The following KIF15 variants were observed in gnomAD, a reference collection of about 807,000 sequenced individuals.
KIF15 encodes the protein kinesin-like protein KIF15.
In KIF15, 140 loss-of-function variants were observed where a neutral mutation model predicts 190.6. The observed-to-expected ratio is 0.73, with a 90% CI of 0.64 to 0.84. The LOEUF (loss-of-function observed/expected upper bound fraction) is 0.84. KIF15 is among the 40% of genes least tolerant of loss of function. The probability of loss-of-function intolerance (pLI) is 0.00; values close to 1 mark genes in which losing one functional copy is unlikely to be tolerated. For synonymous variants in KIF15, 528 were observed against 551.3 expected, an observed-to-expected ratio of 0.96 and a Z score of 0.59; for missense variants, 1,372 against 1,584.4, an observed-to-expected ratio of 0.87 and a Z score of 2.28.
chr3:44,808,492 C>T (rs2125651319), intron 16 of KIF15, among the ~76,000 whole-genome samples: 1 of 152,194 alleles, frequency 6.6e-6, no homozygotes. Flanking sequence ...CCCCACAATC[C>T]CTGGAGGTAG....
rs974098158 is a variant in KIF15, at chr3:44,785,065, C to A, written c.459+123C>A. 4 of 519,808 alleles carry A rather than the reference C, an allele frequency of 7.7e-6. No homozygotes were observed. The East Asian group carries it at 1.4e-4, about 18-fold the overall frequency. 32.2% of individuals were successfully genotyped at this position (519,808 alleles called of 1,614,324 possible). On this transcript the variant is annotated intron_variant, in intron 6 of 34. Transcript: ENST00000326047. ...GTACTCTACAATATGAATAGACTAG[C>A]GTGGCATAAAAAAAAACCTTTCAAT...
At position 44,788,989 on chromosome 3, in the gene KIF15, A is replaced by G. The variant is rs184815291; in HGVS notation, c.639+2415A>G. Among the ~76,000 whole-genome samples the G allele has an allele frequency of 2.0e-5, 3 of 152,330 alleles. No homozygotes were observed. In the East Asian group the frequency reaches 5.8e-4, roughly 29 times the overall value. On this transcript the variant is annotated intron_variant, in intron 7 of 34. Coordinates refer to ENST00000326047, the MANE Select transcript of KIF15 (RefSeq NM_020242.3). ...CAATTTCCTCTTAGTTTTCAAGTAT[A>G]TTGGCATAAAGTTGTTCCTAGTATT... is the stretch of plus-strand genomic sequence containing the variant.
intron 7 of KIF15, among the ~76,000 whole-genome samples, chr3:44,791,777 G>T (rs1051242804): frequency 6.6e-6 from 1 of 152,152 alleles, no homozygotes; most frequent in Non-Finnish European, 1.5e-5. Context: ...GAGTGCAATG[G>T]CATGATCTCA....
rs1699110076 is a variant in KIF15 at position 44,852,801 on chromosome 3, C to A, written c.*66C>A. The A allele has an allele frequency of 7.4e-7, 1 of 1,342,542 alleles. No homozygotes were observed. The highest frequency in any genetic ancestry group is 1.0e-6 in the Non-Finnish European group (1 of 963,086). 83.2% of individuals were successfully genotyped at this position (1,342,542 alleles called of 1,614,324 possible). On this transcript the variant is annotated 3_prime_UTR_variant, in exon 35 of 35. Transcript: ENST00000326047. Reference sequence around the variant, plus strand: ...TGTTTCTTCTCTTTTACAAGTAAGACCTACTCCTGGCCACTTAGGAGAGCT... The same window carrying A: ...TGTTTCTTCTCTTTTACAAGTAAGAACTACTCCTGGCCACTTAGGAGAGCT...
At chr3:44,809,482 C>G (rs549185884) in intron 16 of KIF15, among the ~76,000 whole-genome samples, 7 of 152,028 alleles carry the variant, frequency 4.6e-5, no homozygotes, top group African/African-American at 1.4e-4. Flanking sequence ...TTTAATTTTG[C>G]TTTACATTGA....
chr3:44,865,355 G>A (rs1441673479), intron 6 of KIF15: 2 of 791,838 alleles, frequency 2.5e-6, no homozygotes, highest in East Asian at 5.4e-5. Context: ...TGCAGCTGCA[G>A]CAGTGTTCTA....
chr3:44,772,741 T>C (rs1445247402), intron 1 of KIF15, among the ~76,000 whole-genome samples: 1 of 151,928 alleles, frequency 6.6e-6, no homozygotes, highest in Non-Finnish European at 1.5e-5. Flanking sequence ...AATCAACAAA[T>C]AGCTAAGGTC....
Position 44,792,547 on chromosome 3 carries a change from AT to A in KIF15, c.640-1654del, listed in dbSNP as rs879474361. On this transcript the variant is annotated intron_variant, in intron 7 of 34. Transcript: ENST00000326047. ...ATTAATAGGGTTATAACAGCTACGA[AT>A]TTTTTTTTTTTTTTTGTGATGAGAC... is the stretch of plus-strand genomic sequence containing the variant. 5.4e-3 allele frequency among the ~76,000 whole-genome samples: 771 copies of A among 143,152 alleles called. 1 individual carries two copies. Among genetic ancestry groups the A allele is most frequent in the East Asian group, 6.5e-3 (32 of 4,944 alleles). 93.9% of individuals were successfully genotyped at this position (143,152 alleles called of 152,430 possible).
Position 44,801,339 on chromosome 3 carries a change from C to A in KIF15, c.1223-111C>A. On this transcript the variant is annotated intron_variant, in intron 11 of 34. Transcript: ENST00000326047. ...GAGCCACTGTGCCCGGCCACAGTCT[C>A]ATTCTTTTAGATTAGTTGAGAGCAA... is the stretch of plus-strand genomic sequence containing the variant. The A allele has an allele frequency of 3.0e-5, 19 of 636,772 alleles. 1 individual carries two copies. Among genetic ancestry groups the A allele is most frequent in the South Asian group, 2.9e-4 (14 of 48,552 alleles). The allele number at this position is 636,772 out of a possible 1,614,324, so 39.4% of individuals were successfully genotyped here.
At chr3:44,834,662 C>T (rs1159589390) in intron 26 of KIF15, among the ~76,000 whole-genome samples, 1 of 152,002 alleles carries the variant, frequency 6.6e-6, no homozygotes, top group Non-Finnish European at 1.5e-5. Context: ...GTGGCTCACG[C>T]CTGTAATCTC....
At chr3:44,801,661 G>A in intron 12 of KIF15, 104 bp from the exon 13 acceptor site, 1 of 960,534 alleles carries the variant, frequency 1.0e-6, no homozygotes, top group Admixed American at 2.5e-5. Flanking sequence ...ATCAAATTTT[G>A]CCTTTAAGAT....
chr3:44,814,339 C>T (rs1397007058), intron 19 of KIF15, among the ~76,000 whole-genome samples: 2 of 151,822 alleles, frequency 1.3e-5, no homozygotes, highest in African/African-American at 4.8e-5. Context: ...GACAGAGTCT[C>T]ACTTTGTCAC....
chr3:44,813,787 C>T (rs746730530), intron 19 of KIF15, among the ~76,000 whole-genome samples: 44 of 152,052 alleles, frequency 2.9e-4, no homozygotes, highest in Non-Finnish European at 5.0e-4. Context: ...CCACCAAGCC[C>T]GGCTAATTTT....
chr3:44,830,118 C>T, intron 25 of KIF15, 43 bp downstream of exon 25: 1 of 1,063,458 alleles, frequency 9.4e-7, no homozygotes, highest in Non-Finnish European at 1.4e-6. Context: ...GAGCATGGGA[C>T]ACTTCACAGA....
chr3:44,814,983 T>C lies in KIF15; in HGVS notation c.2456T>C (p.Leu819Ser), dbSNP rs1485235995. ...GACAAGGAGCTTTCTTCAGTGAAAT[T>C]GGAATATAGTTCATTCAAAACGAAT... ...SADKELSSVK[L>S]EYSSFKTNQE... The change falls in exon 20 of 35, where the codon TTG becomes TCG. Residue 819 changes from leucine (L) to serine (S), a missense_variant. Physicochemically the swap from Leu to Ser is moderately radical, Grantham distance 145 (BLOSUM62 -2). Coordinates refer to ENST00000326047, the MANE Select transcript of KIF15 (RefSeq NM_020242.3). The C allele has an allele frequency of 2.5e-6, 4 of 1,613,626 alleles. No individual in the cohort carries two copies. In the East Asian group the frequency reaches 6.7e-5, roughly 27 times the overall value.
At chr3:44,766,758 C>G (rs1487283371) in intron 1 of KIF15, among the ~76,000 whole-genome samples, 1 of 147,442 alleles carries the variant, frequency 6.8e-6, no homozygotes, top group Non-Finnish European at 1.5e-5. Flanking sequence ...TGCTGTTTGT[C>G]TTTGGGAACA....
At chr3:44,795,174 G>A (rs900033787) in intron 8 of KIF15, among the ~76,000 whole-genome samples, 5 of 152,264 alleles carry the variant, frequency 3.3e-5, no homozygotes, top group African/African-American at 1.2e-4. Flanking sequence ...GAGACAACAG[G>A]GGTCAGAGGA....
chr3:44,825,833 T>C (rs1424106546), intron 20 of KIF15, among the ~76,000 whole-genome samples: 1 of 152,198 alleles, frequency 6.6e-6, no homozygotes, highest in Non-Finnish European at 1.5e-5. Context: ...TTTCTGTTCC[T>C]ACCAAACTAC....
chr3:44,818,909 C>G (rs1708143441), intron 20 of KIF15, among the ~76,000 whole-genome samples: 2 of 152,180 alleles, frequency 1.3e-5, no homozygotes, highest in Admixed American at 6.5e-5. Flanking sequence ...TAATTATGGC[C>G]TCAATTTCAG....
Sources: allele counts gnomAD v4.1 joint callset (sites outside exome capture counted in the v4.1 genomes callset), GRCh38; gene constraint gnomAD v4.1.1; transcripts MANE v1.5; gene names NCBI Gene and HGNC (gene_info 2026-07-23, HGNC 2026-07-21).